Variants in SERPINA6 observed in about 807,000 individuals in gnomAD.
SERPINA6 encodes corticosteroid-binding globulin.
Under a neutral mutation model 26.4 loss-of-function variants are expected in SERPINA6, and 19 were observed. The ratio of observed to expected loss-of-function variants is 0.72; its 90% confidence interval spans 0.50 to 1.06. The LOEUF (loss-of-function observed/expected upper bound fraction) is 1.06, where lower values mean the gene tolerates loss of function less well. Ranked by LOEUF, SERPINA6 falls within the 50% of genes least tolerant of loss-of-function variation. SERPINA6 has a pLI of 0.00. For synonymous variants in SERPINA6, 196 were observed against 199.4 expected (o/e 0.98, Z 0.14); for missense variants, 473 against 504.0 (o/e 0.94, Z 0.59).
At chr14:94,309,665 C>T in intron 3 of SERPINA6, 71 bp downstream of exon 3, 1 of 1,549,814 alleles carries the variant, frequency 6.5e-7, no homozygotes, top group Non-Finnish European at 8.9e-7. Context: ...CCAGCATACT[C>T]CCTTTCCACG....
At chr14:94,308,444 A>G (rs577855765) in intron 3 of SERPINA6, among the ~76,000 whole-genome samples, 12 of 152,308 alleles carry the variant, frequency 7.9e-5, no homozygotes, top group African/African-American at 2.9e-4. Context: ...AATGAAATGC[A>G]CATTGAATGA....
intron 1 of SERPINA6, among the ~76,000 whole-genome samples, chr14:94,320,357 C>G (rs1895668048): frequency 6.6e-6 from 1 of 152,194 alleles, no homozygotes; most frequent in African/African-American, 2.4e-5. Context: ...AACAAGTAAC[C>G]AAGTCTCAGC....
At position 94,304,331 on chromosome 14, in the gene SERPINA6, G is replaced by A; in HGVS notation, c.*87C>T. 1.5e-6 allele frequency: 2 copies of A among 1,351,000 alleles called. No individual in the cohort carries two copies. Among genetic ancestry groups the A allele is most frequent in the Non-Finnish European group, 2.1e-6 (2 of 941,106 alleles). The allele number at this position is 1,351,000 out of a possible 1,614,324, so 83.7% of individuals were successfully genotyped here. A position where few individuals can be genotyped will look rare whatever the true frequency, so the allele number is the denominator to read the frequency against. On this transcript the variant is annotated 3_prime_UTR_variant, in exon 5 of 5. Coordinates refer to ENST00000341584, the MANE Select transcript of SERPINA6 (RefSeq NM_001756.4). ...AGGGAGAAGAACTTGGAGGAGATTGGGGGAAACCTCCCGCTCTCCAAAACA... is the reference window on the plus strand; with the variant it reads ...AGGGAGAAGAACTTGGAGGAGATTGAGGGAAACCTCCCGCTCTCCAAAACA...
intron 2 of SERPINA6, among the ~76,000 whole-genome samples, chr14:94,313,661 G>A (rs949994981): frequency 6.6e-6 from 1 of 152,130 alleles, no homozygotes; most frequent in African/African-American, 2.4e-5. Flanking sequence ...GGCTTTGGGG[G>A]CATCTGGGAG....
At chr14:94,315,113 C>T (rs1895595310) in intron 1 of SERPINA6, among the ~76,000 whole-genome samples, 1 of 152,186 alleles carries the variant, frequency 6.6e-6, no homozygotes, top group African/African-American at 2.4e-5. Context: ...AATACCTACC[C>T]TGCAAGAAAT....
chr14:94,322,604 T>A (rs1289130513), intron 1 of SERPINA6, among the ~76,000 whole-genome samples: 1 of 152,244 alleles, frequency 6.6e-6, no homozygotes, highest in Non-Finnish European at 1.5e-5. Flanking sequence ...AAGTATGCCC[T>A]CTTTGTTCCT....
chr14:94,310,134 AG>A, intron 2 of SERPINA6, 128 bp from the exon 3 acceptor site: 1 of 891,676 alleles, frequency 1.1e-6, no homozygotes, highest in Non-Finnish European at 1.8e-6. Context: ...TCAAGCCTCA[AG>A]GGTTTTTAGG....
At chr14:94,313,811 G>T in intron 2 of SERPINA6, 1 of 680,670 alleles carries the variant, frequency 1.5e-6, no homozygotes, top group Non-Finnish European at 2.7e-6. Context: ...AAACCAACCT[G>T]CCAGAATGTA....
intron 3 of SERPINA6, among the ~76,000 whole-genome samples, chr14:94,309,028 A>G (rs1263893456): frequency 1.3e-5 from 2 of 152,120 alleles, no homozygotes; most frequent in Non-Finnish European, 2.9e-5. Flanking sequence ...TCATTCATTC[A>G]TTGCTGACTC....
intron 3 of SERPINA6, among the ~76,000 whole-genome samples, chr14:94,306,746 T>A (rs1895447027): frequency 6.6e-6 from 1 of 152,220 alleles, no homozygotes; most frequent in South Asian, 2.1e-4. Context: ...ATCTCTGTGA[T>A]TCTGCAAGAA....
At chr14:94,317,655 A>C (rs1469332366) in intron 1 of SERPINA6, among the ~76,000 whole-genome samples, 4 of 152,240 alleles carry the variant, frequency 2.6e-5, no homozygotes, top group Admixed American at 2.6e-4. Flanking sequence ...CCCCGTGTTT[A>C]GCTGGACTAA....
Position 94,309,752 on chromosome 14 carries a change from C to T in SERPINA6, c.868G>A (p.Ala290Thr), listed in dbSNP as rs202078426. ...AGGACTTACCTGCTGGTCAGGCCTG[C>T]GGACCACCTGTTAATCGTGTCCCGG... Reference protein sequence around the residue: ...LSRDTINRWSAGLTSSQVDLY... With the variant: ...LSRDTINRWSTGLTSSQVDLY... Residue 290 changes from alanine to threonine, a missense_variant, in exon 3 of 5, where the codon GCA (alanine) becomes ACA (threonine). Coordinates refer to ENST00000341584, the MANE Select transcript of SERPINA6 (RefSeq NM_001756.4). The T allele has an allele frequency of 1.4e-5, 23 of 1,613,910 alleles. No homozygotes were observed. Among genetic ancestry groups the T allele is most frequent in the East Asian group, 6.7e-5 (3 of 44,878 alleles).
chr14:94,306,430 G>A (rs754041289), intron 3 of SERPINA6, among the ~76,000 whole-genome samples: 1 of 152,190 alleles, frequency 6.6e-6, no homozygotes, highest in Non-Finnish European at 1.5e-5. Flanking sequence ...GCTTTCCCAC[G>A]GGGCCTCTGA....
intron 2 of SERPINA6, among the ~76,000 whole-genome samples, chr14:94,311,502 A>C (rs1895529316): frequency 6.6e-6 from 1 of 152,200 alleles, no homozygotes; most frequent in South Asian, 2.1e-4. Flanking sequence ...TAAGGGATCT[A>C]TTCTCAAAAA....
At chr14:94,313,148 T>C (rs1895555943) in intron 2 of SERPINA6, among the ~76,000 whole-genome samples, 1 of 152,056 alleles carries the variant, frequency 6.6e-6, no homozygotes. Context: ...TGAGCTAAGA[T>C]TTGAAGTGAG....
intron 3 of SERPINA6, among the ~76,000 whole-genome samples, chr14:94,306,658 G>T (rs900870309): frequency 6.6e-6 from 1 of 152,184 alleles, no homozygotes; most frequent in Non-Finnish European, 1.5e-5. Flanking sequence ...GCCAAGTCCA[G>T]CCCCTCTCTG....
intron 1 of SERPINA6, among the ~76,000 whole-genome samples, chr14:94,322,401 T>C (rs543556796): frequency 1.3e-5 from 2 of 152,214 alleles, no homozygotes; most frequent in East Asian, 3.9e-4. Flanking sequence ...TTCCAGCTAC[T>C]CGGGAGGCTG....
intron 4 of SERPINA6, 125 bp downstream of exon 4, chr14:94,305,946 A>C: frequency 9.4e-7 from 1 of 1,059,506 alleles, no homozygotes; most frequent in Non-Finnish European, 1.4e-6. Context: ...CTTTGACTCA[A>C]CCTGGGGTTC....
rs548845620 is a variant in SERPINA6, at chr14:94,317,935, A to G, written c.-19-3268T>C. 2.0e-5 allele frequency among the ~76,000 whole-genome samples: 3 copies of G among 152,376 alleles called. No homozygotes were observed. The East Asian group carries it at 5.8e-4, about 29-fold the overall frequency. ...CTGTGTTCACAGATGACATGATCTT[A>G]TATGTTCAAAACCCTAAAAATTCTA... On this transcript the variant is annotated intron_variant, in intron 1 of 4. Transcript: ENST00000341584.
Sources: gnomAD v4.1 joint callset for allele counts (sites outside exome capture counted in the v4.1 genomes callset) on GRCh38, gnomAD v4.1.1 for gene constraint, MANE v1.5 for transcripts, NCBI Gene and HGNC (gene_info 2026-07-23, HGNC 2026-07-21) for gene names.